The following WASF3 variants were observed in gnomAD, a reference collection of about 807,000 sequenced individuals.
WASF3 encodes the protein actin-binding protein WASF3.
WASF3 carries 11 observed loss-of-function variants against 46.6 expected under a neutral mutation model. That is an observed-to-expected ratio of 0.24 (90% CI 0.15 to 0.39). The LOEUF (loss-of-function observed/expected upper bound fraction) is 0.39, where lower values mean the gene tolerates loss of function less well. Ranked by LOEUF, WASF3 falls within the 10% of genes least tolerant of loss-of-function variation. The pLI, the probability that WASF3 is intolerant of heterozygous loss-of-function variation, is 1.00. For missense variants in WASF3, 576 were observed against 669.8 expected (o/e 0.86, Z 1.55); for synonymous variants, 242 against 259.7 (o/e 0.93, Z 0.65).
chr13:26,625,492 G>T (rs1007549295), intron 2 of WASF3, among the ~76,000 whole-genome samples: 1 of 152,196 alleles, frequency 6.6e-6, no homozygotes, highest in Non-Finnish European at 1.5e-5. Context: ...AGAACCAGGA[G>T]CTCCAATGTC....
At position 26,686,825 on chromosome 13, in the gene WASF3, T is replaced by C. The variant is rs898595245; in HGVS notation, c.*980T>C. 1 of 152,258 alleles carries C rather than the reference T, an allele frequency of 6.6e-6. No individual in the cohort carries two copies. The highest frequency in any genetic ancestry group is 1.5e-5 in the Non-Finnish European group (1 of 68,064). 9.4% of individuals were successfully genotyped at this position (152,258 alleles called of 1,614,324 possible). On this transcript the variant is annotated 3_prime_UTR_variant, in exon 10 of 10. Transcript: ENST00000335327. ...CCTCAGCGAGCAACAGAGAGCACTT[T>C]AGATGGCACCTTTCACCACTTGGTC...
the WASF3 span, among the ~76,000 whole-genome samples, chr13:26,546,808 A>G: frequency 6.6e-6 from 1 of 152,274 alleles, no homozygotes; most frequent in Non-Finnish European, 1.5e-5. Flanking sequence ...CGCTGGCTCC[A>G]GCGTGTGACC....
intron 1 of WASF3, among the ~76,000 whole-genome samples, chr13:26,562,912 CTT>C (rs1354386476): frequency 7.0e-6 from 1 of 143,074 alleles, no homozygotes; most frequent in Non-Finnish European, 1.5e-5. Flanking sequence ...TTTCTTTTCT[CTT>C]TTCTTTTCTT....
intron 2 of WASF3, among the ~76,000 whole-genome samples, chr13:26,616,547 T>C (rs1404353293): frequency 2.0e-5 from 3 of 152,042 alleles, no homozygotes; most frequent in Non-Finnish European, 4.4e-5. Flanking sequence ...TTTAATAGCA[T>C]TTTTTTTCCT....
intron 9 of WASF3, among the ~76,000 whole-genome samples, chr13:26,684,897 A>G (rs1158091952): frequency 2.6e-5 from 4 of 152,206 alleles, no homozygotes; most frequent in East Asian, 1.9e-4. Flanking sequence ...ATCTTGGGCA[A>G]CATTGCAAGA....
intron 1 of WASF3, among the ~76,000 whole-genome samples, chr13:26,588,973 TG>T (rs1880212431): frequency 6.6e-6 from 1 of 152,092 alleles, no homozygotes; most frequent in Admixed American, 6.5e-5. Flanking sequence ...ATTTTTTTTT[TG>T]GTAGAGATGG....
At chr13:26,641,577 A>T (rs1881998142) in intron 2 of WASF3, among the ~76,000 whole-genome samples, 1 of 152,152 alleles carries the variant, frequency 6.6e-6, no homozygotes, top group South Asian at 2.1e-4. Context: ...ATGTAGCAGG[A>T]AGAAAGGTAA....
chr13:26,650,689 A>G (rs553601156), intron 3 of WASF3, among the ~76,000 whole-genome samples: 13 of 152,332 alleles, frequency 8.5e-5, no homozygotes, highest in African/African-American at 2.9e-4. Flanking sequence ...AGAGAAATGG[A>G]AATCATTTTT....
chr13:26,557,766 G>C lies in WASF3; in HGVS notation c.-162G>C. The stretch of plus-strand genomic sequence containing the variant: ...GTGCGCCGGGCGGCCGCGGCGCGGC[G>C]GGACCATGGAGCTCAGAGCGCAGCC... On this transcript the variant is annotated 5_prime_UTR_variant, in exon 1 of 10. Coordinates refer to ENST00000335327, the MANE Select transcript of WASF3 (RefSeq NM_006646.6). 1 of 255,910 alleles carries C rather than the reference G, an allele frequency of 3.9e-6. No homozygotes were observed. The highest frequency in any genetic ancestry group is 7.3e-5 in the East Asian group (1 of 13,788). The allele number at this position is 255,910 out of a possible 1,614,324, so 15.9% of individuals were successfully genotyped here.
rs370615100 is a variant in WASF3, at chr13:26,667,681, A to G, written c.422+11A>G. On this transcript the variant is annotated intron_variant, in intron 5 of 9. Coordinates refer to ENST00000335327, the MANE Select transcript of WASF3 (RefSeq NM_006646.6). ...CCTGACACCATACAGGTATAGCTTC[A>G]TGAGTCCCAGAGCCTCTCCTTGAGA... The G allele has an allele frequency of 8.1e-6, 13 of 1,611,924 alleles. No individual in the cohort carries two copies. Among genetic ancestry groups the G allele is most frequent in the Middle Eastern group, 1.6e-4 (1 of 6,076 alleles).
chr13:26,543,722 C>G, the WASF3 span, among the ~76,000 whole-genome samples: 1 of 152,136 alleles, frequency 6.6e-6, no homozygotes, highest in Non-Finnish European at 1.5e-5. Context: ...GAACCTGCCT[C>G]AAGGTTCTCT....
Position 26,667,590 on chromosome 13 carries a change from G to T in WASF3, c.342G>T (p.Lys114Asn), listed in dbSNP as rs1182804369. The T allele has an allele frequency of 2.5e-6, 4 of 1,614,042 alleles. No homozygotes were observed. Among genetic ancestry groups the T allele is most frequent in the South Asian group, 1.1e-5 (1 of 91,078 alleles). Residue 114 changes from lysine to asparagine, a missense_variant, in exon 5 of 10, where the codon AAG becomes AAT. This residue lies in a region of WASF3 where 213 missense variants were observed against 278.0 expected (regional missense o/e 0.77). Transcript: ENST00000335327. ...STVQDQQVVS[K>N]NSIPNPVADI... is the part of the protein sequence containing the mutation. Reference sequence around the variant, plus strand: ...TCCAAGACCAGCAAGTGGTTTCAAAGAACAGCATTCCTAATCCTGTTGCTG... The same window carrying T: ...TCCAAGACCAGCAAGTGGTTTCAAATAACAGCATTCCTAATCCTGTTGCTG...
intron 5 of WASF3, among the ~76,000 whole-genome samples, chr13:26,670,291 G>C (rs1187518444): frequency 1.3e-5 from 2 of 152,022 alleles, no homozygotes; most frequent in Non-Finnish European, 2.9e-5. Flanking sequence ...CTCATAAGTG[G>C]GAGTTGAACA....
Position 26,682,161 on chromosome 13 carries a change from C to T in WASF3, c.984-446C>T, listed in dbSNP as rs986393381. Among the ~76,000 whole-genome samples, 13 of 152,314 alleles carry T rather than the reference C, an allele frequency of 8.5e-5. No individual in the cohort carries two copies. Among genetic ancestry groups the T allele is most frequent in the African/African-American group, 2.2e-4 (9 of 41,574 alleles). On this transcript the variant is annotated intron_variant, in intron 8 of 9. Coordinates refer to ENST00000335327, the MANE Select transcript of WASF3 (RefSeq NM_006646.6). This position sits in a 1 kb window ranked among gnomAD's most constrained non-coding sequence, Gnocchi z 4.4. ...GTGACTTTTCGAAGCTTTTGATACA[C>T]ACCTGGGCACTGCAGGCATGGGGCA... is the stretch of plus-strand genomic sequence containing the variant.
chr13:26,653,041 T>G (rs114164387), intron 3 of WASF3, among the ~76,000 whole-genome samples: 3,038 of 152,244 alleles, frequency 0.02, 105 homozygotes, highest in African/African-American at 0.07. Context: ...GCTTCTTATT[T>G]CACTGGTAAA....
chr13:26,643,126 T>C (rs1882049464), intron 3 of WASF3, among the ~76,000 whole-genome samples: 1 of 152,248 alleles, frequency 6.6e-6, no homozygotes, highest in South Asian at 2.1e-4. Context: ...TGCTTTTTCC[T>C]TCAAAGCTTT....
chr13:26,607,762 A>C (rs539532142), intron 1 of WASF3, among the ~76,000 whole-genome samples: 14 of 152,030 alleles, frequency 9.2e-5, no homozygotes, highest in Non-Finnish European at 1.6e-4. Flanking sequence ...CAGCCTTCTG[A>C]GTAGGTGGAA....
intron 9 of WASF3, among the ~76,000 whole-genome samples, chr13:26,685,148 C>G (rs1183435349): frequency 1.3e-5 from 2 of 151,430 alleles, no homozygotes; most frequent in African/African-American, 4.9e-5. Context: ...TGTTACTAAG[C>G]TAGAAAGTAG....
chr13:26,545,845 C>T, the WASF3 span, among the ~76,000 whole-genome samples: 1 of 152,226 alleles, frequency 6.6e-6, no homozygotes, highest in Non-Finnish European at 1.5e-5. Context: ...CCCAAGATAT[C>T]CTCCTGCCTT....
Sources: allele counts gnomAD v4.1 joint callset (sites outside exome capture counted in the v4.1 genomes callset), GRCh38; gene constraint gnomAD v4.1.1; regional missense constraint gnomAD v4.1.1; non-coding constraint Gnocchi (gnomAD v3.1); transcripts MANE v1.5; gene names NCBI Gene and HGNC (gene_info 2026-07-23, HGNC 2026-07-21).